Variants in SLC17A8 observed in about 807,000 individuals in gnomAD.
The protein encoded by SLC17A8 is solute carrier family 17 member 8, also known as vesicular glutamate transporter 3.
Under a neutral mutation model 58.0 loss-of-function variants are expected in SLC17A8, and 31 were observed. The observed-to-expected ratio is 0.53, with a 90% confidence interval of 0.40 to 0.72. The LOEUF (loss-of-function observed/expected upper bound fraction) is 0.72, where lower values mean the gene tolerates loss of function less well. Among genes scored for constraint, SLC17A8 ranks in the 30% least tolerant of loss-of-function variants. SLC17A8 has a pLI of 0.00. For synonymous variants in SLC17A8, 228 were observed against 249.0 expected, an observed-to-expected ratio of 0.92 and a Z score of 0.79; for missense variants, 655 against 727.8, an observed-to-expected ratio of 0.90 and a Z score of 1.15.
chr12:100,410,041 A>C (rs1952855579), intron 9 of SLC17A8, among the ~76,000 whole-genome samples: 1 of 152,186 alleles, frequency 6.6e-6, no homozygotes, highest in South Asian at 2.1e-4. Context: ...GCATCAGAGG[A>C]GGACGAGTTG....
At chr12:100,382,832 T>A (rs1395867237) in intron 2 of SLC17A8, among the ~76,000 whole-genome samples, 1 of 152,190 alleles carries the variant, frequency 6.6e-6, no homozygotes, top group Admixed American at 6.5e-5. Context: ...TTTGAGAAAA[T>A]TTGATTTCAA....
At chr12:100,388,933 T>C (rs899065669) in intron 2 of SLC17A8, among the ~76,000 whole-genome samples, 1 of 152,212 alleles carries the variant, frequency 6.6e-6, no homozygotes, top group Non-Finnish European at 1.5e-5. Flanking sequence ...AGTTTCTTGG[T>C]GCCCTGTGTG....
chr12:100,378,279 A>T (rs985465132), intron 1 of SLC17A8, among the ~76,000 whole-genome samples: 1 of 152,246 alleles, frequency 6.6e-6, no homozygotes, highest in Non-Finnish European at 1.5e-5. Flanking sequence ...AGAAAGAGAA[A>T]GTGGTCAATT....
chr12:100,416,769 G>T (rs924971669), intron 10 of SLC17A8, among the ~76,000 whole-genome samples: 1 of 152,220 alleles, frequency 6.6e-6, no homozygotes, highest in East Asian at 1.9e-4. Flanking sequence ...TGGTTTACAC[G>T]TCTATGCACC....
At chr12:100,415,417 AAG>A (rs1483075701) in intron 10 of SLC17A8, among the ~76,000 whole-genome samples, 2 of 147,328 alleles carry the variant, frequency 1.4e-5, no homozygotes, top group Non-Finnish European at 3.0e-5. Context: ...CTGGGTGACA[AAG>A]AGAGATTCTG....
At chr12:100,358,364 C>G (rs1409585630) in intron 1 of SLC17A8, among the ~76,000 whole-genome samples, 5 of 152,112 alleles carry the variant, frequency 3.3e-5, no homozygotes, top group Non-Finnish European at 7.4e-5. Flanking sequence ...AAAATGCCAT[C>G]TGGTGTGTCC....
rs1385310965 is a variant in SLC17A8, at chr12:100,402,483, A to G, written c.903+4A>G. 1.2e-6 allele frequency: 2 copies of G among 1,613,900 alleles called. No individual in the cohort carries two copies. The highest frequency in any genetic ancestry group is 1.7e-6 in the Non-Finnish European group (2 of 1,179,998). ...GGCCAACGTGGTTAGTCTAAGTGTA[A>G]GTATAAAAAGTCAGATGAAGACTTA... On this transcript the variant is annotated splice_donor_region_variant and intron_variant, in intron 7 of 11. Coordinates refer to ENST00000323346, the MANE Select transcript of SLC17A8 (RefSeq NM_139319.3).
chr12:100,404,067 G>A lies in SLC17A8; in HGVS notation c.1083G>A (p.Met361Ile). 6.2e-7 allele frequency: 1 copy of A among 1,614,070 alleles called. No individual in the cohort carries two copies. Among genetic ancestry groups the A allele is most frequent in the Non-Finnish European group, 8.5e-7 (1 of 1,180,008 alleles). The change falls in exon 9 of 12, where the codon ATG becomes ATA. Residue 361 changes from methionine (M) to isoleucine (I), a missense_variant. Coordinates refer to ENST00000323346, the MANE Select transcript of SLC17A8 (RefSeq NM_139319.3). ...GTCTCTTGTCAGCAGTCCCACACAT[G>A]GTTATGACAATCGTTGTACCTATTG... ...KVGLLSAVPH[M>I]VMTIVVPIGG...
At chr12:100,357,536 G>T in intron 1 of SLC17A8, 44 bp downstream of exon 1, 2 of 1,266,024 alleles carry the variant, frequency 1.6e-6, no homozygotes, top group South Asian at 1.2e-5. Context: ...GAGTAGCTTC[G>T]TATTGCCAAT....
chr12:100,364,785 T>C (rs1257414428), intron 1 of SLC17A8, among the ~76,000 whole-genome samples: 7 of 152,210 alleles, frequency 4.6e-5, no homozygotes, highest in Admixed American at 4.6e-4. Context: ...TGTATATCCT[T>C]ACCTTTGAAT....
At chr12:100,361,296 T>G (rs146803980) in intron 1 of SLC17A8, among the ~76,000 whole-genome samples, 1 of 152,212 alleles carries the variant, frequency 6.6e-6, no homozygotes, top group Non-Finnish European at 1.5e-5. Flanking sequence ...CTGTGACATT[T>G]TCCTGCCTCA....
At chr12:100,382,798 G>A (rs1952646654) in intron 2 of SLC17A8, among the ~76,000 whole-genome samples, 1 of 152,300 alleles carries the variant, frequency 6.6e-6, no homozygotes, top group Non-Finnish European at 1.5e-5. Context: ...GCATCATCTG[G>A]CACAGTCTCC....
Position 100,380,858 on chromosome 12 carries a change from T to C in SLC17A8, c.259T>C (p.Cys87Arg). Residue 87 changes from cysteine (C) to arginine (R), a missense_variant, in exon 2 of 12, where the codon TGC becomes CGC. Coordinates refer to ENST00000323346, the MANE Select transcript of SLC17A8 (RefSeq NM_139319.3). ...IIAIMSGLGF[C>R]ISFGIRCNLG... is the part of the protein sequence containing the mutation. Reference sequence around the variant, plus strand: ...TGCTATCATGAGTGGGCTGGGATTCTGCATTTCCTTTGGGATCCGGTGCAA... The same window carrying C: ...TGCTATCATGAGTGGGCTGGGATTCCGCATTTCCTTTGGGATCCGGTGCAA... 1 of 1,614,202 alleles carries C rather than the reference T, an allele frequency of 6.2e-7. No homozygotes were observed. The highest frequency in any genetic ancestry group is 8.5e-7 in the Non-Finnish European group (1 of 1,180,034).
chr12:100,362,816 T>C (rs1054255409), intron 1 of SLC17A8, among the ~76,000 whole-genome samples: 1 of 152,104 alleles, frequency 6.6e-6, no homozygotes, highest in Non-Finnish European at 1.5e-5. Context: ...TCTCCACCCC[T>C]TTTTGATTTC....
chr12:100,377,599 T>A (rs1241050129), intron 1 of SLC17A8, among the ~76,000 whole-genome samples: 1 of 139,092 alleles, frequency 7.2e-6, no homozygotes, highest in African/African-American at 2.7e-5. Flanking sequence ...TTTTTTTTTT[T>A]TTTTTTTTTG....
intron 1 of SLC17A8, among the ~76,000 whole-genome samples, chr12:100,376,351 T>C (rs1436651579): frequency 6.6e-6 from 1 of 152,146 alleles, no homozygotes; most frequent in Non-Finnish European, 1.5e-5. Context: ...GTCCATTCTC[T>C]TCCCCTGCTC....
At chr12:100,376,478 T>G (rs981963880) in intron 1 of SLC17A8, among the ~76,000 whole-genome samples, 3 of 152,196 alleles carry the variant, frequency 2.0e-5, no homozygotes, top group African/African-American at 7.2e-5. Context: ...CACAGGAAAG[T>G]GGTCCAAGGA....
intron 9 of SLC17A8, among the ~76,000 whole-genome samples, chr12:100,407,904 C>T (rs1227392172): frequency 2.6e-5 from 4 of 152,092 alleles, no homozygotes; most frequent in Admixed American, 1.3e-4. Context: ...CCGTGCCCGG[C>T]CATTCTTTTA....
At chr12:100,369,546 C>T (rs1952544852) in intron 1 of SLC17A8, among the ~76,000 whole-genome samples, 1 of 152,238 alleles carries the variant, frequency 6.6e-6, no homozygotes, top group Non-Finnish European at 1.5e-5. Flanking sequence ...CCCCTGCATG[C>T]TGTATCCTCT....
Sources: allele counts gnomAD v4.1 joint callset (sites outside exome capture counted in the v4.1 genomes callset), GRCh38; gene constraint gnomAD v4.1.1; transcripts MANE v1.5; gene names NCBI Gene and HGNC (gene_info 2026-07-23, HGNC 2026-07-21).